Variants in CDC42SE2 observed in about 807,000 individuals in gnomAD.
CDC42SE2 encodes the protein CDC42 small effector protein 2.
In CDC42SE2, 3 loss-of-function variants were observed where a neutral mutation model predicts 11.5. The observed-to-expected ratio is 0.26, with a 90% CI of 0.12 to 0.67. The LOEUF is 0.67. Among genes scored for constraint, CDC42SE2 ranks in the 30% least tolerant of loss-of-function variants. The probability of loss-of-function intolerance (pLI) is 0.80; values close to 1 mark genes in which losing one functional copy is unlikely to be tolerated. For synonymous variants in CDC42SE2, 33 were observed against 34.8 expected, an observed-to-expected ratio of 0.95 and a Z score of 0.18; for missense variants, 82 against 106.8, an observed-to-expected ratio of 0.77 and a Z score of 1.02.
At position 131,390,546 on chromosome 5, in the gene CDC42SE2, G is replaced by A. The variant is rs557280942; in HGVS notation, c.157-447G>A. On this transcript the variant is annotated intron_variant, in intron 4 of 4. Coordinates refer to ENST00000505065, the MANE Select transcript of CDC42SE2 (RefSeq NM_001375635.1). ...AAAAATTAGCTGAGTGTGGTGATGT[G>A]TGCCTGTAATCCCAGCTACTAGGGA... Among the ~76,000 whole-genome samples, 100 of 152,094 alleles carry A rather than the reference G, an allele frequency of 6.6e-4. 1 individual carries two copies. Among genetic ancestry groups the A allele is most frequent in the African/African-American group, 2.2e-3 (92 of 41,486 alleles).
chr5:131,385,544 A>G lies in CDC42SE2; in HGVS notation c.56A>G (p.Lys19Arg). 6.2e-7 allele frequency: 1 copy of G among 1,611,646 alleles called. No homozygotes were observed. ...NCCIAEQPQP[K>R]RRRRIDRSMI... ...ACACATTTGTTCCCCATATTTTAGA[A>G]AAGGCGACGGCGGATTGACAGAAGT... Residue 19 changes from lysine to arginine, a missense_variant and splice_region_variant, in exon 4 of 5, where the codon AAA (lysine) becomes AGA (arginine). Physicochemically the swap from Lys to Arg is conservative, Grantham distance 26 (BLOSUM62 2). Coordinates refer to ENST00000505065, the MANE Select transcript of CDC42SE2 (RefSeq NM_001375635.1).
At chr5:131,310,826 C>T (rs1288481519) in intron 1 of CDC42SE2, among the ~76,000 whole-genome samples, 20 of 151,852 alleles carry the variant, frequency 1.3e-4, no homozygotes, top group Admixed American at 4.6e-4. Flanking sequence ...TTATTTTGAG[C>T]GTATGTGTGT....
At chr5:131,283,458 T>G (rs747902818) in intron 1 of CDC42SE2, among the ~76,000 whole-genome samples, 2 of 152,202 alleles carry the variant, frequency 1.3e-5, no homozygotes, top group Non-Finnish European at 2.9e-5. Flanking sequence ...GCATAATGTT[T>G]CAAGATTTAT....
the CDC42SE2 span, among the ~76,000 whole-genome samples, chr5:131,232,160 CTGGAGGGCAGTGGCT>C: frequency 6.6e-6 from 1 of 152,042 alleles, no homozygotes; most frequent in Non-Finnish European, 1.5e-5. Context: ...GTAGCCCAGG[CTGGAGGGCAGTGGCT>C]TGATCTCGGC....
At chr5:131,313,651 C>T (rs1292577491) in intron 1 of CDC42SE2, among the ~76,000 whole-genome samples, 1 of 152,072 alleles carries the variant, frequency 6.6e-6, no homozygotes, top group Admixed American at 6.6e-5. Flanking sequence ...TATTTCTGGA[C>T]TCTCAGTTTT....
chr5:131,350,664 C>T (rs1758986421), intron 2 of CDC42SE2, among the ~76,000 whole-genome samples: 1 of 150,348 alleles, frequency 6.7e-6, no homozygotes, highest in African/African-American at 2.5e-5. Context: ...TATAATTTGA[C>T]TTACGTATAA....
intron 2 of CDC42SE2, among the ~76,000 whole-genome samples, chr5:131,349,310 CAG>C (rs1157040042): frequency 1.0e-4 from 13 of 127,746 alleles, no homozygotes; most frequent in Middle Eastern, 5.7e-3. Context: ...CACTTGGACA[CAG>C]GGGAACATCA....
chr5:131,240,745 A>C (rs1756533907), upstream of CDC42SE2, among the ~76,000 whole-genome samples: 1 of 152,206 alleles, frequency 6.6e-6, no homozygotes, highest in Admixed American at 6.5e-5. Context: ...CTTATGGTGA[A>C]TTTGTCCCAA....
chr5:131,235,231 C>T, the CDC42SE2 span, among the ~76,000 whole-genome samples: 1 of 151,910 alleles, frequency 6.6e-6, no homozygotes, highest in African/African-American at 2.4e-5. Flanking sequence ...GATTCAAATG[C>T]TCAGTTTACT....
chr5:131,310,143 T>G (rs1289832420), intron 1 of CDC42SE2, among the ~76,000 whole-genome samples: 3 of 152,166 alleles, frequency 2.0e-5, no homozygotes, highest in Non-Finnish European at 2.9e-5. Context: ...TCTGGTATGT[T>G]GTGTCTTTGT....
intron 1 of CDC42SE2, among the ~76,000 whole-genome samples, chr5:131,268,700 C>CCTTAGCCT (rs964906686): frequency 3.3e-5 from 5 of 150,924 alleles, no homozygotes; most frequent in Non-Finnish European, 7.4e-5. Flanking sequence ...GATCTGCCTG[C>CCTTAGCCT]CTTAGCCTCC....
intron 1 of CDC42SE2, among the ~76,000 whole-genome samples, chr5:131,297,031 GTAAAA>G (rs1018286877): frequency 3.3e-5 from 5 of 151,896 alleles, no homozygotes; most frequent in Non-Finnish European, 5.9e-5. Flanking sequence ...TCTCTAAGTT[GTAAAA>G]TAAAAGTATG....
chr5:131,310,239 C>T lies in CDC42SE2; in HGVS notation c.-454-5737C>T, dbSNP rs957936078. ...CATTCAGGAGCAGGTTGTTCAGTTT[C>T]CATGTAGTTGAGCGGTTTTGAGTGA... On this transcript the variant is annotated intron_variant, in intron 1 of 4. Coordinates refer to ENST00000505065, the MANE Select transcript of CDC42SE2 (RefSeq NM_001375635.1). 1.6e-4 allele frequency among the ~76,000 whole-genome samples: 24 copies of T among 151,888 alleles called. 1 individual carries two copies. Among genetic ancestry groups the T allele is most frequent in the Admixed American group, 7.9e-4 (12 of 15,246 alleles).
intron 4 of CDC42SE2, among the ~76,000 whole-genome samples, chr5:131,390,010 T>C (rs1344993589): frequency 6.6e-6 from 1 of 152,216 alleles, no homozygotes; most frequent in Admixed American, 6.5e-5. Flanking sequence ...TTATGTGCCT[T>C]TGTTTCAGCA....
At chr5:131,348,898 C>T (rs2149760597) in intron 2 of CDC42SE2, among the ~76,000 whole-genome samples, 2 of 152,258 alleles carry the variant, frequency 1.3e-5, no homozygotes, top group East Asian at 1.9e-4. Flanking sequence ...GAAAGGATTC[C>T]CTGTTTAATA....
At chr5:131,293,293 C>T (rs1223634364) in intron 1 of CDC42SE2, among the ~76,000 whole-genome samples, 3 of 151,210 alleles carry the variant, frequency 2.0e-5, no homozygotes, top group Admixed American at 6.6e-5. Context: ...GGCCCTCAGC[C>T]GGGCACGGTG....
At chr5:131,362,033 G>C (rs892112404) in intron 3 of CDC42SE2, among the ~76,000 whole-genome samples, 5 of 152,092 alleles carry the variant, frequency 3.3e-5, no homozygotes, top group African/African-American at 1.2e-4. Context: ...GGGTGGTCTT[G>C]GAAAATGCAA....
chr5:131,359,631 C>A, intron 3 of CDC42SE2, 84 bp downstream of exon 3: 1 of 953,174 alleles, frequency 1.0e-6, no homozygotes, highest in Non-Finnish European at 1.7e-6. Flanking sequence ...GGGATCCTAG[C>A]AGTAATTGCA....
chr5:131,233,819 A>G, the CDC42SE2 span, among the ~76,000 whole-genome samples: 1 of 152,174 alleles, frequency 6.6e-6, no homozygotes, highest in African/African-American at 2.4e-5. Flanking sequence ...ATCGTCTTAT[A>G]TTCTGCCTCA....
Sources: gnomAD v4.1 joint callset for allele counts (sites outside exome capture counted in the v4.1 genomes callset) on GRCh38, gnomAD v4.1.1 for gene constraint, MANE v1.5 for transcripts, NCBI Gene and HGNC (gene_info 2026-07-23, HGNC 2026-07-21) for gene names.